Variants in SMG1 observed in about 807,000 individuals in gnomAD.
The protein encoded by SMG1 is serine/threonine-protein kinase SMG1.
A neutral mutation model predicts 419.9 loss-of-function variants in SMG1; 22 were observed. The observed-to-expected ratio is 0.05, with a 90% CI of 0.04 to 0.07. The LOEUF (loss-of-function observed/expected upper bound fraction) is 0.07, where lower values mean the gene tolerates loss of function less well. Ranked by LOEUF, SMG1 falls within the 10% of genes least tolerant of loss-of-function variation. SMG1 has a pLI of 1.00. For synonymous variants in SMG1, 1,538 were observed against 1,553.5 expected (o/e 0.99, Z 0.23); for missense variants, 3,185 against 4,342.0 (o/e 0.73, Z 7.49).
chr16:18,835,963 G>A lies in SMG1; in HGVS notation c.8027C>T (p.Thr2676Ile). The A allele has an allele frequency of 6.4e-7, 1 of 1,553,288 alleles. No homozygotes were observed. Among genetic ancestry groups the A allele is most frequent in the Non-Finnish European group, 8.7e-7 (1 of 1,147,612 alleles). Residue 2676 changes from threonine to isoleucine, a missense_variant, in exon 48 of 63, where the codon ACA becomes ATA. By Grantham distance (89) the Thr-to-Ile change is moderately conservative (BLOSUM62 -1). This residue lies in a region of SMG1 where 412 missense variants were observed against 546.6 expected (regional missense o/e 0.75). Transcript: ENST00000446231. ...TWMEELICNT[T>I]VERCQELYRK... ...ATAGAGCTCTTGACAACGCTCTACT[G>A]TGGTGTTACAGATGAGCTCTTCCAT...
At chr16:18,914,166 C>CA (rs34200283) in intron 1 of SMG1, among the ~76,000 whole-genome samples, 13,542 of 108,404 alleles carry the variant, frequency 0.12, 676 homozygotes, top group Middle Eastern at 0.24. Context: ...AACTCCATCT[C>CA]AAAAAAAAAA....
At chr16:18,916,410 G>A (rs1021796369) in intron 1 of SMG1, among the ~76,000 whole-genome samples, 2 of 150,840 alleles carry the variant, frequency 1.3e-5, no homozygotes, top group Admixed American at 1.3e-4. Context: ...AGCTACTCGG[G>A]AGGCTGAGGC....
intron 57 of SMG1, among the ~76,000 whole-genome samples, chr16:18,816,989 AT>A (rs1345616006): frequency 6.6e-6 from 1 of 152,102 alleles, no homozygotes; most frequent in East Asian, 1.9e-4. Context: ...TTTTCAGTGC[AT>A]TGGAATCATT....
Position 18,926,007 on chromosome 16 carries a change from C to G in SMG1, c.35G>C (p.Ser12Thr). Residue 12 changes from serine (S) to threonine (T), a missense_variant, in exon 1 of 63, where the codon AGC becomes ACC. Ser to Thr is a moderately conservative substitution (Grantham distance 58). Coordinates refer to ENST00000446231, the MANE Select transcript of SMG1 (RefSeq NM_015092.5). ...CTTGGTGCCGCCGCCGCCGCCGCCG[C>G]TGCTCAGCCGAGACCCCGGGGCTCT... is the stretch of plus-strand genomic sequence containing the variant. Reference protein sequence around the residue: ...SRRAPGSRLSSGGGGGGTKYP... With the variant: ...SRRAPGSRLSTGGGGGGTKYP... The G allele has an allele frequency of 6.3e-7, 1 of 1,577,738 alleles. No individual in the cohort carries two copies. The highest frequency in any genetic ancestry group is 8.6e-7 in the Non-Finnish European group (1 of 1,167,584).
At chr16:18,812,227 A>G in intron 60 of SMG1, 100 bp from the exon 61 acceptor site, 1 of 1,117,944 alleles carries the variant, frequency 8.9e-7, no homozygotes, top group Non-Finnish European at 1.3e-6. Flanking sequence ...TGATACCCCA[A>G]TTAAATAATC....
rs372275238 is a variant in SMG1, at chr16:18,852,367, A to C, written c.4864T>G (p.Leu1622Val). Residue 1622 changes from leucine (L) to valine (V), a missense_variant, in exon 32 of 63, where the codon TTG (leucine) becomes GTG (valine). By Grantham distance (32) the Leu-to-Val change is conservative. Around this residue, in one of 27 missense-constraint regions of SMG1, gnomAD observed 493 missense variants for 552.9 expected, o/e 0.89. Transcript: ENST00000446231. ...APEVAKSWAALASWAYRWGRK... is the reference protein window; with the variant it reads ...APEVAKSWAAVASWAYRWGRK... ...CCCCACCTATAAGCCCAGCTGGCCA[A>C]CGCTGCCCAAGATTTGGCTACTTCA... 6.2e-7 allele frequency: 1 copy of C among 1,613,854 alleles called. No individual in the cohort carries two copies. The highest frequency in any genetic ancestry group is 1.7e-5 in the Admixed American group (1 of 59,986).
intron 48 of SMG1, among the ~76,000 whole-genome samples, chr16:18,835,685 C>T (rs2033516359): frequency 6.6e-6 from 1 of 152,118 alleles, no homozygotes; most frequent in Non-Finnish European, 1.5e-5. Context: ...GCAGGCAGAT[C>T]ACGTGGTCAG....
chr16:18,921,931 A>G (rs1461344362), intron 1 of SMG1, among the ~76,000 whole-genome samples: 2 of 152,344 alleles, frequency 1.3e-5, no homozygotes, highest in East Asian at 3.9e-4. Context: ...TTAGAAGTAT[A>G]GAAAGATCCT....
At position 18,864,033 on chromosome 16, in the gene SMG1, A is replaced by G; in HGVS notation, c.3462T>C (p.Arg1154=). The change falls in exon 24 of 63, where the codon CGT becomes CGC. Residue 1154 remains arginine (R), a synonymous_variant. Coordinates refer to ENST00000446231, the MANE Select transcript of SMG1 (RefSeq NM_015092.5). ...GAGAATGTTTCGGGCTGGCACTGTT[A>G]CGCCCAGCATTGGCTAAGGTGAGCA... ...KSVLTLANAG[R]NSASPKHSLN... The G allele has an allele frequency of 1.3e-6, 2 of 1,550,072 alleles. No homozygotes were observed. Among genetic ancestry groups the G allele is most frequent in the South Asian group, 2.4e-5 (2 of 83,992 alleles).
chr16:18,812,382 G>A (rs900828713), intron 60 of SMG1, among the ~76,000 whole-genome samples: 1 of 152,170 alleles, frequency 6.6e-6, no homozygotes, highest in South Asian at 2.1e-4. Flanking sequence ...CAGGCATGAT[G>A]GCTCACGCCT....
intron 35 of SMG1, 124 bp from the exon 36 acceptor site, chr16:18,849,502 C>A: frequency 1.1e-6 from 1 of 889,674 alleles, no homozygotes; most frequent in Non-Finnish European, 1.7e-6. Flanking sequence ...TTTAAGAGTT[C>A]AAATTTCTCC....
chr16:18,827,963 C>A, intron 55 of SMG1, 68 bp downstream of exon 55: 1 of 1,519,924 alleles, frequency 6.6e-7, no homozygotes, highest in Non-Finnish European at 9.0e-7. Flanking sequence ...CAACAGAGCA[C>A]TAACAATCAT....
chr16:18,910,736 G>A (rs1383799836), intron 1 of SMG1, among the ~76,000 whole-genome samples: 1 of 152,036 alleles, frequency 6.6e-6, no homozygotes, highest in Non-Finnish European at 1.5e-5. Context: ...AGATGCGTGT[G>A]GTTCTTCTCC....
At chr16:18,901,956 G>T (rs1328991692) in intron 1 of SMG1, among the ~76,000 whole-genome samples, 2 of 149,690 alleles carry the variant, frequency 1.3e-5, no homozygotes, top group African/African-American at 2.5e-5. Context: ...AAAAAAAAAG[G>T]GGGGGGTGGC....
chr16:18,911,856 T>C (rs1427727002), intron 1 of SMG1: 1 of 151,950 alleles, frequency 6.6e-6, no homozygotes, highest in Non-Finnish European at 1.5e-5. Context: ...CTGAAGCGGA[T>C]GTATCACCTG....
chr16:18,879,369 C>G (rs568265955), intron 11 of SMG1, 126 bp downstream of exon 11: 1 of 752,818 alleles, frequency 1.3e-6, no homozygotes, highest in East Asian at 2.7e-5. Context: ...TCTGCTTTGG[C>G]CTCCCAAAGT....
At position 18,834,082 on chromosome 16, in the gene SMG1, T is replaced by C. The variant is rs2033390885; in HGVS notation, c.8565+122A>G. On this transcript the variant is annotated intron_variant, in intron 50 of 62. Transcript: ENST00000446231. ...CTATAAATCTCACAATTATCTTCCT[T>C]TTAAATGACTGGTTGAGCAACATTC... The C allele has an allele frequency of 2.2e-5, 16 of 721,638 alleles. 1 individual carries two copies. The South Asian group carries it at 3.1e-4, about 14-fold the overall frequency. 44.7% of individuals were successfully genotyped at this position (721,638 alleles called of 1,614,324 possible).
At chr16:18,847,756 CA>C in intron 37 of SMG1, 59 bp downstream of exon 37, 1 of 1,586,890 alleles carries the variant, frequency 6.3e-7, no homozygotes, top group Admixed American at 1.7e-5. Context: ...TACAGATTGG[CA>C]AAAGCAATTT....
intron 1 of SMG1, among the ~76,000 whole-genome samples, chr16:18,924,090 G>A (rs2038298997): frequency 6.6e-6 from 1 of 152,128 alleles, no homozygotes; most frequent in South Asian, 2.1e-4. Context: ...CTACCAAGGC[G>A]TTACATCCTG....
Sources: gnomAD v4.1 joint callset for allele counts (sites outside exome capture counted in the v4.1 genomes callset) on GRCh38, gnomAD v4.1.1 for gene constraint, gnomAD v4.1.1 regional missense constraint, MANE v1.5 for transcripts, NCBI Gene and HGNC (gene_info 2026-07-23, HGNC 2026-07-21) for gene names.